The following ACSBG1 variants were observed in gnomAD, a reference collection of about 807,000 sequenced individuals.
ACSBG1 encodes acyl-CoA synthetase bubblegum family member 1, also known as long-chain-fatty-acid--CoA ligase ACSBG1.
In ACSBG1, 39 loss-of-function variants were observed where a neutral mutation model predicts 80.2. That is an observed-to-expected ratio of 0.49 (90% CI 0.38 to 0.64). ACSBG1 has a LOEUF of 0.64. Among genes scored for constraint, ACSBG1 ranks in the 30% least tolerant of loss-of-function variants. The pLI is 0.00. For missense variants in ACSBG1, 828 were observed against 966.4 expected (o/e 0.86, Z 1.90); for synonymous variants, 392 against 379.5 (o/e 1.03, Z -0.38).
At chr15:78,201,044 A>G (rs80241084) in intron 2 of ACSBG1, among the ~76,000 whole-genome samples, 7,132 of 151,888 alleles carry the variant, frequency 0.047, 281 homozygotes, top group East Asian at 0.17. Flanking sequence ...TCCCTCCATC[A>G]CATGCCCACA....
chr15:78,207,921 C>T (rs960040078), intron 2 of ACSBG1, 81 bp downstream of exon 2: 3 of 857,316 alleles, frequency 3.5e-6, no homozygotes, highest in Non-Finnish European at 5.7e-6. Flanking sequence ...TGGTGGTCCC[C>T]CACACCACCC....
In ACSBG1 at chr15:78,174,417, T is replaced by C. The variant is rs2074860610; in HGVS notation, c.1810A>G (p.Arg604Gly). 2 of 1,614,004 alleles carry C rather than the reference T, an allele frequency of 1.2e-6. No individual in the cohort carries two copies. Among genetic ancestry groups the C allele is most frequent in the Non-Finnish European group, 1.7e-6 (2 of 1,180,026 alleles). Residue 604 changes from arginine (R) to glycine (G), a missense_variant, in exon 12 of 14, where the codon AGG becomes GGG. Coordinates refer to ENST00000258873, the MANE Select transcript of ACSBG1 (RefSeq NM_015162.5). ...GTGAGCAGCATGGACAGGAACTTCCTCTGGTCCCCAATGAGCATGGCGTTG... is the reference window on the plus strand; with the variant it reads ...GTGAGCAGCATGGACAGGAACTTCCCCTGGTCCCCAATGAGCATGGCGTTG... ...ISNAMLIGDQ[R>G]KFLSMLLTLK...
In ACSBG1 at chr15:78,178,018, A is replaced by G. The variant is rs1166790688; in HGVS notation, c.1702+596T>C. ...ACTTACGCTCCTGAATCTTCTGGAA[A>G]GACTTGCCTTGTTTCTCTAGGGGTC... On this transcript the variant is annotated intron_variant, in intron 11 of 13. Transcript: ENST00000258873. The surrounding 1 kb of genome is among the most constrained non-coding windows in gnomAD (Gnocchi z 4.3). Among the ~76,000 whole-genome samples the G allele has an allele frequency of 1.3e-5, 2 of 152,228 alleles. No homozygotes were observed. Among genetic ancestry groups the G allele is most frequent in the Non-Finnish European group, 2.9e-5 (2 of 68,044 alleles).
rs1243324052 is a variant in ACSBG1 at position 78,170,093 on chromosome 15, C to T, written c.*1351G>A. The T allele has an allele frequency of 6.6e-6, 1 of 152,224 alleles. No individual in the cohort carries two copies. The highest frequency in any genetic ancestry group is 6.5e-5 in the Admixed American group (1 of 15,282). 9.4% of individuals were successfully genotyped at this position (152,224 alleles called of 1,614,324 possible). ...GGAGGCAACTCAGCCTGAGTTAATT[C>T]ACAAAATTATGCCATGCTGGGGCTT... is the stretch of plus-strand genomic sequence containing the variant. On this transcript the variant is annotated 3_prime_UTR_variant, in exon 14 of 14. Coordinates refer to ENST00000258873, the MANE Select transcript of ACSBG1 (RefSeq NM_015162.5).
intron 1 of ACSBG1, among the ~76,000 whole-genome samples, chr15:78,223,358 T>C (rs1027264782): frequency 6.6e-6 from 1 of 152,102 alleles, no homozygotes; most frequent in Admixed American, 6.6e-5. Flanking sequence ...GATGGTTTGA[T>C]AGGTACAGCA....
chr15:78,176,914 C>T (rs929069152), intron 11 of ACSBG1, among the ~76,000 whole-genome samples: 2 of 151,842 alleles, frequency 1.3e-5, no homozygotes, highest in Non-Finnish European at 2.9e-5. Context: ...GGCAACAAAG[C>T]GAGACCCTGT....
chr15:78,181,763 G>A (rs927823155), intron 8 of ACSBG1, among the ~76,000 whole-genome samples: 1 of 152,160 alleles, frequency 6.6e-6, no homozygotes, highest in African/African-American at 2.4e-5. Context: ...AAAGTGCTGG[G>A]ATTACAGGCG....
In ACSBG1 at chr15:78,174,384, C is replaced by G. The variant is rs781750037; in HGVS notation, c.1842+1G>C. The G allele has an allele frequency of 1.2e-5, 19 of 1,614,214 alleles. No homozygotes were observed. The highest frequency in any genetic ancestry group is 1.2e-5 in the Non-Finnish European group (14 of 1,180,048). ...TCTGAGCTGGAGCCCCCCAGACACA[C>G]CTTCAAGGTGAGCAGCATGGACAGG... On this transcript the variant is annotated splice_donor_variant, in intron 12 of 13. Coordinates refer to ENST00000258873, the MANE Select transcript of ACSBG1 (RefSeq NM_015162.5). LOFTEE classifies it high-confidence loss of function.
At chr15:78,205,089 C>T (rs1288728542) in intron 2 of ACSBG1, among the ~76,000 whole-genome samples, 1 of 152,110 alleles carries the variant, frequency 6.6e-6, no homozygotes, top group Non-Finnish European at 1.5e-5. Context: ...GTGCCCTCCC[C>T]TCTCTGTGGT....
intron 5 of ACSBG1, among the ~76,000 whole-genome samples, chr15:78,187,216 T>G (rs1356119345): frequency 2.0e-5 from 3 of 152,218 alleles, no homozygotes; most frequent in Non-Finnish European, 4.4e-5. Flanking sequence ...CAGGACCAGA[T>G]GGATTCACAG....
intron 2 of ACSBG1, among the ~76,000 whole-genome samples, chr15:78,207,206 T>C (rs2075223872): frequency 6.6e-6 from 1 of 152,074 alleles, no homozygotes; most frequent in Non-Finnish European, 1.5e-5. Context: ...GGTCCTCTTC[T>C]TGGCCCAGTC....
chr15:78,174,503 C>T lies in ACSBG1; in HGVS notation c.1724G>A (p.Gly575Glu). 1 of 1,614,146 alleles carries T rather than the reference C, an allele frequency of 6.2e-7. No individual in the cohort carries two copies. Among genetic ancestry groups the T allele is most frequent in the East Asian group, 2.2e-5 (1 of 44,876 alleles). Residue 575 changes from glycine to glutamate, a missense_variant, in exon 12 of 14, where the codon GGG (glycine) becomes GAG (glutamate). By Grantham distance (98) the Gly-to-Glu change is moderately conservative (BLOSUM62 -2). Coordinates refer to ENST00000258873, the MANE Select transcript of ACSBG1 (RefSeq NM_015162.5). Reference protein sequence around the residue: ...RLKELIITAGGENVPPVPIEE... With the variant: ...RLKELIITAGEENVPPVPIEE... ...GATGGGCACAGGGGGCACATTCTCC[C>T]CACCAGCTGTGATGATTAATTCTGG...
intron 1 of ACSBG1, among the ~76,000 whole-genome samples, chr15:78,214,187 G>A (rs535130016): frequency 2.1e-3 from 322 of 152,272 alleles, no homozygotes; most frequent in Non-Finnish European, 3.6e-3. Context: ...GGGACTAGCC[G>A]GTCTGTGGCA....
chr15:78,217,161 G>A (rs901506940), intron 1 of ACSBG1, among the ~76,000 whole-genome samples: 4 of 152,226 alleles, frequency 2.6e-5, no homozygotes, highest in Admixed American at 1.3e-4. Context: ...GCCCAAGGAT[G>A]CAAAAGAAAA....
chr15:78,181,094 T>C, intron 8 of ACSBG1, 158 bp from the exon 9 acceptor site: 1 of 859,022 alleles, frequency 1.2e-6, no homozygotes, highest in South Asian at 1.9e-5. Flanking sequence ...CCTCAATGGC[T>C]GTCGCCTTGC....
chr15:78,207,924 C>CA, intron 2 of ACSBG1, 78 bp downstream of exon 2: 1 of 728,274 alleles, frequency 1.4e-6, no homozygotes, highest in Non-Finnish European at 2.4e-6. Context: ...TGGTCCCCCA[C>CA]ACCACCCACC....
intron 1 of ACSBG1, among the ~76,000 whole-genome samples, chr15:78,229,396 T>A (rs1555435013): frequency 1.3e-5 from 2 of 152,222 alleles, no homozygotes; most frequent in Non-Finnish European, 2.9e-5. Flanking sequence ...ATAGTCCATG[T>A]TTAAGGACAC....
chr15:78,170,853 T>A lies in ACSBG1; in HGVS notation c.*591A>T, dbSNP rs2141312183. On this transcript the variant is annotated 3_prime_UTR_variant, in exon 14 of 14. Transcript: ENST00000258873. ...AAAAAATCAGGTCCTTGTTGACAGT[T>A]CTGTTAAAAGGTTTAATATTCAAAT... 1 of 153,108 alleles carries A rather than the reference T, an allele frequency of 6.5e-6. No individual in the cohort carries two copies. The highest frequency in any genetic ancestry group is 1.9e-4 in the East Asian group (1 of 5,196). The allele number at this position is 153,108 out of a possible 1,614,324, so 9.5% of individuals were successfully genotyped here.
intron 11 of ACSBG1, 53 bp from the exon 12 acceptor site, chr15:78,174,577 C>G (rs62009343): frequency 0.059 from 92,906 of 1,573,190 alleles, 3,703 homozygotes; most frequent in South Asian, 0.18. Flanking sequence ...GGTGCCCCAG[C>G]TGAACCACAA....
Sources: gnomAD v4.1 joint callset for allele counts (sites outside exome capture counted in the v4.1 genomes callset) on GRCh38, gnomAD v4.1.1 for gene constraint, Gnocchi (gnomAD v3.1) non-coding constraint, MANE v1.5 for transcripts, NCBI Gene and HGNC (gene_info 2026-07-23, HGNC 2026-07-21) for gene names.